FBXO4: variants seen among roughly 807,000 people sequenced by gnomAD.
FBXO4 encodes F-box only protein 4.
FBXO4 carries 36 observed loss-of-function variants against 43.7 expected under a neutral mutation model. That is an observed-to-expected ratio of 0.82 (90% confidence interval 0.63 to 1.09). The LOEUF (loss-of-function observed/expected upper bound fraction) is 1.09. Among genes scored for constraint, FBXO4 ranks in the 50% least tolerant of loss-of-function variants. The pLI is 0.00. For missense variants in FBXO4, 435 were observed against 474.1 expected (o/e 0.92, Z 0.77); for synonymous variants, 180 against 165.6 (o/e 1.09, Z -0.67).
the FBXO4 span, among the ~76,000 whole-genome samples, chr5:41,991,046 G>A: frequency 9.1e-3 from 1,383 of 152,156 alleles, 14 homozygotes; most frequent in Middle Eastern, 0.031. Flanking sequence ...AGAATGTCAG[G>A]GTCTGCCTCA....
At chr5:41,981,585 G>C in the FBXO4 span, among the ~76,000 whole-genome samples, 10 of 151,962 alleles carry the variant, frequency 6.6e-5, no homozygotes, top group Admixed American at 1.3e-4. Flanking sequence ...CATTGTTAAG[G>C]CTATAGTTTT....
chr5:42,020,996 T>C, the FBXO4 span, among the ~76,000 whole-genome samples: 6 of 151,958 alleles, frequency 3.9e-5, no homozygotes, highest in Non-Finnish European at 7.4e-5. Context: ...AGGGTGCAAA[T>C]AGAAGCATGA....
chr5:42,026,112 C>G, the FBXO4 span, among the ~76,000 whole-genome samples: 1 of 151,756 alleles, frequency 6.6e-6, no homozygotes, highest in Non-Finnish European at 1.5e-5. Flanking sequence ...TGCATTGATT[C>G]TGTAGATTGC....
rs756533684 is a variant in FBXO4, at chr5:41,929,744, G to A, written c.473G>A (p.Arg158His). The A allele has an allele frequency of 1.4e-5, 22 of 1,613,592 alleles. No individual in the cohort carries two copies. The highest frequency in any genetic ancestry group is 3.3e-4 in the Middle Eastern group (2 of 6,058). The change falls in exon 3 of 7, where the codon CGT becomes CAT. Residue 158 changes from arginine (R) to histidine (H), a missense_variant. Transcript: ENST00000281623. The part of the protein sequence containing the change: ...PYTRRASKSS[R>H]PMYGAVTSFL... The stretch of plus-strand genomic sequence containing the variant: ...ACAAGAAGAGCTTCAAAATCCAGCC[G>A]TCCTATGTATGGAGCTGTCACTTCT...
At chr5:42,036,757 A>C in the FBXO4 span, among the ~76,000 whole-genome samples, 1 of 152,238 alleles carries the variant, frequency 6.6e-6, no homozygotes, top group East Asian at 1.9e-4. Context: ...TAGGAGCAAA[A>C]TATATGATAC....
the FBXO4 span, among the ~76,000 whole-genome samples, chr5:41,965,819 A>T: frequency 6.6e-6 from 1 of 152,248 alleles, no homozygotes; most frequent in African/African-American, 2.4e-5. Context: ...AAAGGATTAT[A>T]AATCGTGCTG....
At chr5:42,005,071 A>G in the FBXO4 span, among the ~76,000 whole-genome samples, 1 of 152,174 alleles carries the variant, frequency 6.6e-6, no homozygotes, top group East Asian at 1.9e-4. Flanking sequence ...TCACCTCATC[A>G]TCTCCAAACT....
the FBXO4 span, among the ~76,000 whole-genome samples, chr5:41,961,037 C>A: frequency 6.6e-6 from 1 of 152,012 alleles, no homozygotes; most frequent in East Asian, 1.9e-4. Context: ...TTCTCCTCTT[C>A]CTTACTTTAC....
At chr5:41,934,943 TGTATATATATTATA>T (rs1407713374) in intron 5 of FBXO4, 2 of 941,164 alleles carry the variant, frequency 2.1e-6, no homozygotes, top group East Asian at 2.3e-4. Context: ...CATAATATAT[TGTATATATATTATA>T]GTTCTCTAAT....
At chr5:41,930,674 T>C (rs1044192709) in intron 3 of FBXO4, among the ~76,000 whole-genome samples, 8 of 135,842 alleles carry the variant, frequency 5.9e-5, no homozygotes, top group African/African-American at 2.2e-4. Context: ...TTCTTTCTTT[T>C]TTTTTTTTTT....
chr5:41,989,259 T>C, the FBXO4 span, among the ~76,000 whole-genome samples: 2 of 152,146 alleles, frequency 1.3e-5, no homozygotes, highest in African/African-American at 4.8e-5. Context: ...AAAAGTAGAT[T>C]CAAATGTCAG....
At chr5:41,949,855 A>C in the FBXO4 span, among the ~76,000 whole-genome samples, 1 of 152,218 alleles carries the variant, frequency 6.6e-6, no homozygotes, top group African/African-American at 2.4e-5. Context: ...TGGTACTGGT[A>C]CCAAAACAGA....
chr5:41,990,442 G>A, the FBXO4 span, among the ~76,000 whole-genome samples: 1 of 152,180 alleles, frequency 6.6e-6, no homozygotes, highest in Non-Finnish European at 1.5e-5. Context: ...TTCAAACAAT[G>A]TAATAGAACA....
At chr5:41,958,752 G>C in the FBXO4 span, among the ~76,000 whole-genome samples, 1 of 152,176 alleles carries the variant, frequency 6.6e-6, no homozygotes, top group South Asian at 2.1e-4. Context: ...GAATGGAACA[G>C]TATTCCATTG....
At chr5:41,946,081 G>A (rs185039470), downstream of FBXO4, among the ~76,000 whole-genome samples, 20 of 151,904 alleles carry the variant, frequency 1.3e-4, no homozygotes, top group African/African-American at 4.1e-4. Flanking sequence ...ACCTACCCAC[G>A]CCCTCACTAA....
chr5:41,946,614 C>G (rs1039954352), downstream of FBXO4, among the ~76,000 whole-genome samples: 4 of 152,126 alleles, frequency 2.6e-5, no homozygotes, highest in African/African-American at 9.7e-5. Context: ...ATTTTACATG[C>G]CAAGTGATAT....
At chr5:41,996,406 G>A in the FBXO4 span, among the ~76,000 whole-genome samples, 1 of 152,168 alleles carries the variant, frequency 6.6e-6, no homozygotes, top group Non-Finnish European at 1.5e-5. Flanking sequence ...GCAAAAGATG[G>A]CAGGGCCTTG....
the FBXO4 span, among the ~76,000 whole-genome samples, chr5:42,008,273 T>C: frequency 6.6e-6 from 1 of 152,156 alleles, no homozygotes; most frequent in South Asian, 2.1e-4. Flanking sequence ...GAGCAAAGTA[T>C]TGAGGTACCA....
chr5:41,950,970 C>T, the FBXO4 span, among the ~76,000 whole-genome samples: 2 of 152,120 alleles, frequency 1.3e-5, no homozygotes, highest in African/African-American at 2.4e-5. Context: ...GAACAGAAAA[C>T]CAAACACCAC....
Sources: gnomAD v4.1 joint callset for allele counts (sites outside exome capture counted in the v4.1 genomes callset) on GRCh38, gnomAD v4.1.1 for gene constraint, MANE v1.5 for transcripts, NCBI Gene and HGNC (gene_info 2026-07-23, HGNC 2026-07-21) for gene names.